PTPRD: variants seen among roughly 807,000 people sequenced by gnomAD.
PTPRD encodes protein tyrosine phosphatase receptor type D, also known as receptor-type tyrosine-protein phosphatase delta.
In PTPRD, 34 loss-of-function variants were observed where a neutral mutation model predicts 214.5. The ratio of observed to expected loss-of-function variants is 0.16; its 90% CI spans 0.12 to 0.21. PTPRD has a LOEUF of 0.21. Ranked by LOEUF, PTPRD falls within the 10% of genes least tolerant of loss-of-function variation. The pLI, the probability that PTPRD is intolerant of heterozygous loss-of-function variation, is 1.00. For synonymous variants in PTPRD, 1,128 were observed against 845.7 expected (o/e 1.33, Z -5.79); for missense variants, 2,545 against 2,398.7 (o/e 1.06, Z -1.27).
intron 4 of PTPRD, among the ~76,000 whole-genome samples, chr9:9,957,474 A>G (rs2094022067): frequency 6.6e-6 from 1 of 152,176 alleles, no homozygotes; most frequent in Admixed American, 6.5e-5. Flanking sequence ...TTTACAAAAA[A>G]TTATACAATT....
intron 5 of PTPRD, among the ~76,000 whole-genome samples, chr9:9,883,404 T>A (rs974815489): frequency 6.6e-6 from 1 of 151,948 alleles, no homozygotes; most frequent in South Asian, 2.1e-4. Flanking sequence ...GAAACCAACA[T>A]TCAAAAGAAT....
intron 3 of PTPRD, among the ~76,000 whole-genome samples, chr9:10,269,091 C>T (rs911084147): frequency 6.6e-6 from 1 of 152,162 alleles, no homozygotes; most frequent in East Asian, 1.9e-4. Context: ...CATGCTCAAA[C>T]CTTTTGCTCC....
intron 2 of PTPRD, among the ~76,000 whole-genome samples, chr9:10,611,837 G>A (rs2081058030): frequency 6.6e-6 from 1 of 151,724 alleles, no homozygotes; most frequent in Admixed American, 6.6e-5. Context: ...CTCCTTACAG[G>A]CATGAAGAAA....
chr9:8,968,443 C>CAAA (rs2099213767), intron 11 of PTPRD, among the ~76,000 whole-genome samples: 1 of 151,476 alleles, frequency 6.6e-6, no homozygotes, highest in Non-Finnish European at 1.5e-5. Flanking sequence ...TAATGATCGC[C>CAAA]GTTCTAACTG....
intron 8 of PTPRD, among the ~76,000 whole-genome samples, chr9:9,441,227 G>A (rs1344223072): frequency 1.3e-5 from 2 of 152,116 alleles, no homozygotes; most frequent in African/African-American, 4.8e-5. Flanking sequence ...GCCTATCCTC[G>A]AAGCGGTGTG....
intron 3 of PTPRD, among the ~76,000 whole-genome samples, chr9:10,101,523 C>A (rs182875873): frequency 1.1e-4 from 17 of 151,692 alleles, no homozygotes; most frequent in Admixed American, 1.1e-3. Flanking sequence ...GAGGAGCCAA[C>A]TTAAAATTTA....
intron 8 of PTPRD, among the ~76,000 whole-genome samples, chr9:9,551,221 T>C (rs1459831006): frequency 1.3e-5 from 2 of 151,986 alleles, no homozygotes; most frequent in African/African-American, 4.8e-5. Context: ...CTAAATAAAC[T>C]GCATAAATTT....
At chr9:10,212,591 G>A (rs968953) in intron 3 of PTPRD, among the ~76,000 whole-genome samples, 130,787 of 152,186 alleles carry the variant, frequency 0.86, 56,246 homozygotes, top group East Asian at 0.92. Flanking sequence ...CAAAAGCATA[G>A]TTAGATATAT....
At chr9:9,837,487 T>C (rs1471358460) in intron 5 of PTPRD, among the ~76,000 whole-genome samples, 1 of 152,086 alleles carries the variant, frequency 6.6e-6, no homozygotes. Context: ...GTAGGTCCAG[T>C]GTCGCATATA....
chr9:8,823,471 G>C (rs2097112683), intron 11 of PTPRD, among the ~76,000 whole-genome samples: 1 of 152,132 alleles, frequency 6.6e-6, no homozygotes, highest in African/African-American at 2.4e-5. Context: ...TTATATGCCA[G>C]CCTTCCCCAT....
intron 6 of PTPRD, among the ~76,000 whole-genome samples, chr9:9,751,717 C>A (rs1279841673): frequency 1.3e-5 from 2 of 151,974 alleles, no homozygotes; most frequent in African/African-American, 4.8e-5. Flanking sequence ...TCAAGGAGTG[C>A]CAAAGATTGC....
At chr9:10,345,767 T>C (rs1222572039) in intron 2 of PTPRD, among the ~76,000 whole-genome samples, 1 of 152,218 alleles carries the variant, frequency 6.6e-6, no homozygotes, top group Non-Finnish European at 1.5e-5. Flanking sequence ...TGTAATCCTT[T>C]GGGTATAATC....
intron 11 of PTPRD, among the ~76,000 whole-genome samples, chr9:8,921,393 G>C (rs1353938824): frequency 1.3e-5 from 2 of 152,096 alleles, no homozygotes; most frequent in African/African-American, 2.4e-5. Flanking sequence ...AGACTCACTT[G>C]GGAGGCTAAA....
At chr9:10,193,618 T>A (rs892252647) in intron 3 of PTPRD, among the ~76,000 whole-genome samples, 12 of 152,162 alleles carry the variant, frequency 7.9e-5, no homozygotes, top group Admixed American at 2.0e-4. Context: ...TGTTTCTGAA[T>A]GCATTCAAAA....
At chr9:10,412,966 A>C (rs1306855440) in intron 2 of PTPRD, among the ~76,000 whole-genome samples, 4 of 151,932 alleles carry the variant, frequency 2.6e-5, no homozygotes, top group Non-Finnish European at 5.9e-5. Context: ...CATACTTCAA[A>C]ATAATAAAAG....
chr9:10,018,534 A>ATTTTTTT (rs1567125411), intron 4 of PTPRD, among the ~76,000 whole-genome samples: 2 of 63,718 alleles, frequency 3.1e-5, no homozygotes, highest in African/African-American at 9.1e-5. Context: ...TAAGAATTAC[A>ATTTTTTT]TTTCTTTTTT....
chr9:9,778,057 G>A (rs902040798), intron 5 of PTPRD, among the ~76,000 whole-genome samples: 6 of 152,178 alleles, frequency 3.9e-5, no homozygotes, highest in Admixed American at 2.0e-4. Context: ...CTGAAGAGAC[G>A]CAGCTAGGAA....
chr9:8,373,612 GGTGTGTGTGTGTGTGTGTGTGTGTGT>G (rs36212158), intron 39 of PTPRD, among the ~76,000 whole-genome samples: 4 of 141,456 alleles, frequency 2.8e-5, no homozygotes, highest in South Asian at 2.3e-4. Context: ...CATGGATGCG[GGTGTGTGTGTGTGTGTGTGTGTGTGT>G]GTGTGTGTGT....
At chr9:9,409,988 C>T (rs2074851918) in intron 8 of PTPRD, among the ~76,000 whole-genome samples, 1 of 152,008 alleles carries the variant, frequency 6.6e-6, no homozygotes, top group Admixed American at 6.6e-5. Context: ...CTTTTACTAC[C>T]TGCAAGAAGA....
Sources: allele counts gnomAD v4.1 joint callset (sites outside exome capture counted in the v4.1 genomes callset), GRCh38; gene constraint gnomAD v4.1.1; transcripts MANE v1.5; gene names NCBI Gene and HGNC (gene_info 2026-07-23, HGNC 2026-07-21).